The following GNA14 variants were observed in gnomAD, a reference collection of about 807,000 sequenced individuals.
GNA14 encodes G protein subunit alpha 14, also known as guanine nucleotide-binding protein subunit alpha-14.
A neutral mutation model predicts 42.0 loss-of-function variants in GNA14; 50 were observed. That is an observed-to-expected ratio of 1.19 (90% CI 0.95 to 1.51). The LOEUF (loss-of-function observed/expected upper bound fraction) is 1.51. GNA14 is among the 40% of genes most tolerant of loss of function. The probability of loss-of-function intolerance (pLI) is 0.00; values close to 1 mark genes in which losing one functional copy is unlikely to be tolerated. For missense variants in GNA14, 473 were observed against 446.2 expected (o/e 1.06, Z -0.54); for synonymous variants, 173 against 163.1 (o/e 1.06, Z -0.46).
At chr9:77,470,894 G>A (rs1321477922) in intron 2 of GNA14, among the ~76,000 whole-genome samples, 2 of 152,122 alleles carry the variant, frequency 1.3e-5, no homozygotes, top group African/African-American at 4.8e-5. Flanking sequence ...TCAGATCTCA[G>A]GAGAATTCAC....
intron 2 of GNA14, among the ~76,000 whole-genome samples, chr9:77,515,962 A>AAAAAAAAAAAAAAAAAC: frequency 8.3e-6 from 1 of 121,152 alleles, no homozygotes; most frequent in Non-Finnish European, 1.7e-5. Flanking sequence ...CTGTCTCACA[A>AAAAAAAAAAAAAAAAAC]AAAAAAAAAA....
At chr9:77,592,430 A>C (rs1823404839) in intron 1 of GNA14, among the ~76,000 whole-genome samples, 1 of 152,206 alleles carries the variant, frequency 6.6e-6, no homozygotes, top group African/African-American at 2.4e-5. Context: ...ATTTCACTGA[A>C]AAGTAGATTT....
At chr9:77,463,976 A>T (rs1836164697) in intron 2 of GNA14, among the ~76,000 whole-genome samples, 1 of 152,150 alleles carries the variant, frequency 6.6e-6, no homozygotes, top group Non-Finnish European at 1.5e-5. Flanking sequence ...TTACATAATT[A>T]CCTTAGCTGG....
intron 1 of GNA14, among the ~76,000 whole-genome samples, chr9:77,641,115 AGG>A (rs1255826419): frequency 1.1e-4 from 1 of 9,168 alleles, no homozygotes; most frequent in African/African-American, 7.8e-4. Flanking sequence ...GAAGGAAGGA[AGG>A]AAGGAAGGAA....
chr9:77,425,538 A>G, intron 6 of GNA14, 24 bp downstream of exon 6: 1 of 1,566,598 alleles, frequency 6.4e-7, no homozygotes. Context: ...CACAGAAAAC[A>G]CTGTCCACAA....
chr9:77,523,598 T>C (rs192680848), intron 2 of GNA14, among the ~76,000 whole-genome samples: 47 of 152,266 alleles, frequency 3.1e-4, no homozygotes, highest in South Asian at 1.0e-3. Flanking sequence ...AACTATTAAA[T>C]CTTCTTTAAA....
intron 1 of GNA14, among the ~76,000 whole-genome samples, chr9:77,550,650 C>T (rs1225514672): frequency 2.0e-5 from 3 of 152,180 alleles, no homozygotes; most frequent in African/African-American, 7.2e-5. Context: ...ATTAAAAGTA[C>T]ATTTAAACTA....
At chr9:77,438,417 G>A (rs147773226) in intron 2 of GNA14, among the ~76,000 whole-genome samples, 2,563 of 151,948 alleles carry the variant, frequency 0.017, 69 homozygotes, top group African/African-American at 0.057. Flanking sequence ...ACAGGCACCC[G>A]CCACCACCCC....
Position 77,644,437 on chromosome 9 carries a change from C to CAAAAAAAAAAA in GNA14, c.124+3222_124+3232dup, listed in dbSNP as rs764737417. On this transcript the variant is annotated intron_variant, in intron 1 of 6. Coordinates refer to ENST00000341700, the MANE Select transcript of GNA14 (RefSeq NM_004297.4). Reference sequence around the variant, plus strand: ...TACTGAACTCCAACCTAAAGAGTGTCAAAAAAAAAAAAAAAAAAAAAAAAA... The same window carrying CAAAAAAAAAAA: ...TACTGAACTCCAACCTAAAGAGTGTCAAAAAAAAAAAAAAAAAAAAAAAAAAAAAAAAAAAA... 7.4e-3 allele frequency among the ~76,000 whole-genome samples: 251 copies of CAAAAAAAAAAA among 34,014 alleles called. 37 individuals are homozygous for CAAAAAAAAAAA. The highest frequency in any genetic ancestry group is 0.022 in the African/African-American group (188 of 8,572). 22.3% of individuals were successfully genotyped at this position (34,014 alleles called of 152,430 possible). A position where few individuals can be genotyped will look rare whatever the true frequency, so the allele number is the denominator to read the frequency against.
chr9:77,478,224 G>A (rs1836469357), intron 2 of GNA14, among the ~76,000 whole-genome samples: 1 of 137,196 alleles, frequency 7.3e-6, no homozygotes, highest in South Asian at 2.2e-4. Context: ...TCCCCTTCCT[G>A]TGTCCATGTG....
chr9:77,546,458 A>T (rs184711875), intron 1 of GNA14, among the ~76,000 whole-genome samples: 13 of 152,018 alleles, frequency 8.6e-5, no homozygotes, highest in Admixed American at 4.6e-4. Context: ...AAAGAGAAAA[A>T]TTTCTTTTCT....
rs1325335743 is a variant in GNA14, at chr9:77,563,846, A to G, written c.125-34593T>C. Among the ~76,000 whole-genome samples the G allele has an allele frequency of 2.6e-5, 4 of 152,226 alleles. No individual in the cohort carries two copies. The East Asian group carries it at 5.8e-4, about 22-fold the overall frequency. On this transcript the variant is annotated intron_variant, in intron 1 of 6. Transcript: ENST00000341700. ...GTTAGACAACTTCCTATGGAGCGCA[A>G]TTTGGGGTCTTGAAGCATTACATGT...
intron 1 of GNA14, among the ~76,000 whole-genome samples, chr9:77,550,518 C>T (rs890593568): frequency 6.6e-6 from 1 of 152,174 alleles, no homozygotes; most frequent in African/African-American, 2.4e-5. Context: ...CATGTGGTCA[C>T]ATACATATCA....
chr9:77,464,067 C>G (rs1012334648), intron 2 of GNA14, among the ~76,000 whole-genome samples: 1 of 152,028 alleles, frequency 6.6e-6, no homozygotes, highest in South Asian at 2.1e-4. Context: ...GTGGTGTAAT[C>G]TCAGGTCACT....
intron 1 of GNA14, among the ~76,000 whole-genome samples, chr9:77,641,912 A>G (rs1487600949): frequency 3.3e-5 from 5 of 152,226 alleles, no homozygotes; most frequent in African/African-American, 1.2e-4. Flanking sequence ...GCCACAATAC[A>G]TTTAACTTAC....
At chr9:77,431,245 A>G in intron 4 of GNA14, 76 bp downstream of exon 4, 2 of 1,340,540 alleles carry the variant, frequency 1.5e-6, no homozygotes, top group Non-Finnish European at 2.1e-6. Flanking sequence ...GCTTAGGAAT[A>G]ACACGTTTAA....
intron 2 of GNA14, among the ~76,000 whole-genome samples, chr9:77,487,411 C>G (rs1587793509): frequency 6.6e-6 from 1 of 152,256 alleles, no homozygotes; most frequent in East Asian, 1.9e-4. Context: ...AAAAAGTAAG[C>G]AGTTGAGGGA....
chr9:77,493,026 A>AAAATATATATATATATAT (rs1554691641), intron 2 of GNA14, among the ~76,000 whole-genome samples: 5 of 51,698 alleles, frequency 9.7e-5, no homozygotes, highest in Admixed American at 1.9e-4. Context: ...AAAAAAAAAA[A>AAAATATATATATATATAT]ATATATATAT....
chr9:77,553,672 C>A lies in GNA14; in HGVS notation c.125-24419G>T, dbSNP rs1837812103. On this transcript the variant is annotated intron_variant, in intron 1 of 6. Coordinates refer to ENST00000341700, the MANE Select transcript of GNA14 (RefSeq NM_004297.4). ...GTTAATGGGCATATGAGAAAACAGA[C>A]ACCCATTCCCACTTATTTGTGTGCA... is the stretch of plus-strand genomic sequence containing the variant. Among the ~76,000 whole-genome samples, 3 of 152,104 alleles carry A rather than the reference C, an allele frequency of 2.0e-5. No individual in the cohort carries two copies. In the East Asian group the frequency reaches 5.9e-4, roughly 30 times the overall value.
Sources: allele counts gnomAD v4.1 joint callset (sites outside exome capture counted in the v4.1 genomes callset), GRCh38; gene constraint gnomAD v4.1.1; transcripts MANE v1.5; gene names NCBI Gene and HGNC (gene_info 2026-07-23, HGNC 2026-07-21).